Variants in SASH1 observed in about 807,000 individuals in gnomAD.
The protein encoded by SASH1 is SAM and SH3 domain containing 1.
A neutral mutation model predicts 125.2 loss-of-function variants in SASH1; 44 were observed. The ratio of observed to expected loss-of-function variants is 0.35; its 90% CI spans 0.28 to 0.45. The LOEUF (loss-of-function observed/expected upper bound fraction) is 0.45. Among genes scored for constraint, SASH1 ranks in the 20% least tolerant of loss-of-function variants. The pLI is 1.00. For missense variants in SASH1, 1,426 were observed against 1,614.5 expected (o/e 0.88, Z 2.00); for synonymous variants, 639 against 649.1 (o/e 0.98, Z 0.24).
chr6:148,206,793 G>GCA, the SASH1 span, among the ~76,000 whole-genome samples: 17,735 of 134,416 alleles, frequency 0.13, 1,232 homozygotes, highest in Middle Eastern at 0.21. Context: ...CCATCTCAAA[G>GCA]CACACACACA....
chr6:148,432,243 G>A (rs776671763), intron 2 of SASH1, among the ~76,000 whole-genome samples: 16 of 152,170 alleles, frequency 1.1e-4, no homozygotes, highest in East Asian at 3.8e-4. Context: ...CCAAAGTGCT[G>A]GGATTATAGG....
chr6:148,351,022 A>G (rs1234160926), intron 1 of SASH1, among the ~76,000 whole-genome samples: 1 of 152,034 alleles, frequency 6.6e-6, no homozygotes, highest in Non-Finnish European at 1.5e-5. Context: ...ATTCTTTATG[A>G]GGAGAGATGC....
At position 148,519,748 on chromosome 6, in the gene SASH1, G is replaced by A; in HGVS notation, c.1064G>A (p.Ser355Asn). The change falls in exon 10 of 20, where the codon AGC becomes AAC. Residue 355 changes from serine (S) to asparagine (N), a missense_variant. By Grantham distance (46) the Ser-to-Asn change is conservative (BLOSUM62 1). Around this residue, in one of 3 missense-constraint regions of SASH1, gnomAD observed 567 missense variants for 575.6 expected, o/e 0.99. Coordinates refer to ENST00000367467, the MANE Select transcript of SASH1 (RefSeq NM_015278.5). This position sits in a 1 kb window ranked among gnomAD's most constrained non-coding sequence, Gnocchi z 4.8. ...GAGRKLVKTF[S>N]KGESRGLIKP... ...GGCCGGAAGTTGGTCAAAACCTTCAGCAAAGGAGAGAGCCGGGGCCTGATT... is the reference window on the plus strand; with the variant it reads ...GGCCGGAAGTTGGTCAAAACCTTCAACAAAGGAGAGAGCCGGGGCCTGATT... The A allele has an allele frequency of 6.2e-7, 1 of 1,614,142 alleles. No individual in the cohort carries two copies. Among genetic ancestry groups the A allele is most frequent in the East Asian group, 2.2e-5 (1 of 44,874 alleles).
Position 148,533,020 on chromosome 6 carries a change from G to A in SASH1, c.1734+54G>A. 1 of 1,586,838 alleles carries A rather than the reference G, an allele frequency of 6.3e-7. No homozygotes were observed. The highest frequency in any genetic ancestry group is 8.6e-7 in the Non-Finnish European group (1 of 1,157,936). ...TAACTGGGCTCTTCCATTTCTCTAG[G>A]AGGCTTTCTTTCCTCCTCACTGTTG... On this transcript the variant is annotated intron_variant, in intron 14 of 19. Coordinates refer to ENST00000367467, the MANE Select transcript of SASH1 (RefSeq NM_015278.5). The surrounding 1 kb of genome is among the most constrained non-coding windows in gnomAD (Gnocchi z 6.2).
At chr6:148,374,037 GAAAC>G (rs985366734) in intron 1 of SASH1, among the ~76,000 whole-genome samples, 1 of 152,194 alleles carries the variant, frequency 6.6e-6, no homozygotes, top group African/African-American at 2.4e-5. Flanking sequence ...TCTGAGAATG[GAAAC>G]ACACGGTCCA....
the SASH1 span, among the ~76,000 whole-genome samples, chr6:148,200,135 A>G: frequency 3.3e-5 from 5 of 152,230 alleles, no homozygotes; most frequent in African/African-American, 1.2e-4. Context: ...AAAAAATAAA[A>G]AAGTGGACTT....
chr6:148,402,253 C>A (rs565812527), intron 2 of SASH1, among the ~76,000 whole-genome samples: 1 of 152,244 alleles, frequency 6.6e-6, no homozygotes, highest in South Asian at 2.1e-4. Context: ...GAGGAAAAAA[C>A]AAAGTATGGG....
At chr6:148,298,908 G>A (rs1204081909) in intron 1 of SASH1, among the ~76,000 whole-genome samples, 4 of 151,960 alleles carry the variant, frequency 2.6e-5, no homozygotes, top group African/African-American at 4.8e-5. Context: ...AAGAAAGGAA[G>A]GAAGGAAGGA....
chr6:148,330,855 G>A (rs1332889770), intron 1 of SASH1, among the ~76,000 whole-genome samples: 1 of 152,164 alleles, frequency 6.6e-6, no homozygotes, highest in Non-Finnish European at 1.5e-5. Flanking sequence ...CAAAGTGCTG[G>A]GATTACAGGT....
At chr6:148,521,566 A>C (rs35990050) in intron 10 of SASH1, among the ~76,000 whole-genome samples, 2 of 152,142 alleles carry the variant, frequency 1.3e-5, no homozygotes, top group African/African-American at 4.8e-5. Context: ...TTTCATATTC[A>C]TGTAATTCTT....
chr6:148,512,225 A>G (rs1780187518), intron 8 of SASH1, among the ~76,000 whole-genome samples: 1 of 152,054 alleles, frequency 6.6e-6, no homozygotes, highest in Admixed American at 6.5e-5. Context: ...TCACCGTGTT[A>G]GCCGGGATGG....
In SASH1 at chr6:148,474,139, A is replaced by C. The variant is rs1331789767; in HGVS notation, c.544A>C (p.Ile182Leu). The C allele has an allele frequency of 6.2e-7, 1 of 1,612,030 alleles. No homozygotes were observed. The highest frequency in any genetic ancestry group is 1.1e-5 in the South Asian group (1 of 90,302). Residue 182 changes from isoleucine to leucine, a missense_variant, in exon 7 of 20, where the codon ATA becomes CTA. By Grantham distance (5) the Ile-to-Leu change is conservative. Around this residue, in one of 3 missense-constraint regions of SASH1, gnomAD observed 567 missense variants for 575.6 expected, o/e 0.99. Transcript: ENST00000367467. The stretch of plus-strand genomic sequence containing the variant: ...AGACGTTGGTTATGTTGCCAGTGAA[A>C]TAACGATGAGCGATGAGGAGCGGAT... Reference protein sequence around the residue: ...GEDVGYVASEITMSDEERIQL... With the variant: ...GEDVGYVASELTMSDEERIQL...
chr6:148,354,160 G>A (rs1781839583), intron 1 of SASH1, among the ~76,000 whole-genome samples: 1 of 152,036 alleles, frequency 6.6e-6, no homozygotes, highest in African/African-American at 2.4e-5. Flanking sequence ...GCAAGACATT[G>A]TGTCAAAACA....
chr6:148,226,070 G>A, the SASH1 span, among the ~76,000 whole-genome samples: 5 of 152,202 alleles, frequency 3.3e-5, no homozygotes, highest in Non-Finnish European at 7.3e-5. Flanking sequence ...ATGTATGATT[G>A]TGGGAGAGCT....
At chr6:148,438,707 C>CT (rs1402484999) in intron 2 of SASH1, among the ~76,000 whole-genome samples, 14 of 109,876 alleles carry the variant, frequency 1.3e-4, no homozygotes, top group East Asian at 5.6e-4. Flanking sequence ...CCAGCACATT[C>CT]TTTTTTTTTC....
chr6:148,325,606 C>T (rs567734145), intron 1 of SASH1, among the ~76,000 whole-genome samples: 13 of 152,098 alleles, frequency 8.5e-5, no homozygotes, highest in East Asian at 3.9e-4. Flanking sequence ...TCAGATCTTA[C>T]GAGAACTCAC....
chr6:148,523,084 T>G (rs1397160119), intron 10 of SASH1, among the ~76,000 whole-genome samples: 3 of 152,224 alleles, frequency 2.0e-5, no homozygotes, highest in African/African-American at 7.2e-5. Context: ...TGTGAAAACT[T>G]AAATGAGATT....
At chr6:148,411,831 A>G (rs1317010204) in intron 2 of SASH1, among the ~76,000 whole-genome samples, 1 of 152,246 alleles carries the variant, frequency 6.6e-6, no homozygotes, top group Non-Finnish European at 1.5e-5. Context: ...GGCGTGAGCC[A>G]CTGTGCTCAG....
chr6:148,459,367 C>T (rs62432305), intron 4 of SASH1, among the ~76,000 whole-genome samples: 12,677 of 152,204 alleles, frequency 0.083, 624 homozygotes, highest in Middle Eastern at 0.13. Flanking sequence ...TTAGTGAGGC[C>T]GTGGCCCAGA....
Sources: gnomAD v4.1 joint callset for allele counts (sites outside exome capture counted in the v4.1 genomes callset) on GRCh38, gnomAD v4.1.1 for gene constraint, gnomAD v4.1.1 regional missense constraint, Gnocchi (gnomAD v3.1) non-coding constraint, MANE v1.5 for transcripts, NCBI Gene and HGNC (gene_info 2026-07-23, HGNC 2026-07-21) for gene names.